Variants in DNAJC3 observed in about 807,000 individuals in gnomAD.
The protein encoded by DNAJC3 is dnaJ homolog subfamily C member 3.
Under a neutral mutation model 68.6 loss-of-function variants are expected in DNAJC3, and 38 were observed. The observed-to-expected ratio is 0.55, with a 90% confidence interval of 0.43 to 0.73. DNAJC3 has a LOEUF of 0.73. Among genes scored for constraint, DNAJC3 ranks in the 30% least tolerant of loss-of-function variants. The pLI is 0.00. For missense variants in DNAJC3, 526 were observed against 591.9 expected (o/e 0.89, Z 1.16); for synonymous variants, 203 against 204.0 (o/e 1.00, Z 0.04).
chr13:95,757,315 G>GAGC (rs1442868157), intron 4 of DNAJC3, among the ~76,000 whole-genome samples: 2 of 152,182 alleles, frequency 1.3e-5, no homozygotes, highest in Admixed American at 1.3e-4. Context: ...TTATTCTGCA[G>GAGC]AGCTATATGT....
chr13:95,742,214 G>T (rs1247537587), intron 4 of DNAJC3, among the ~76,000 whole-genome samples: 1 of 152,174 alleles, frequency 6.6e-6, no homozygotes, highest in Admixed American at 6.5e-5. Flanking sequence ...CTAGTGTCTT[G>T]TGCTTGGCTC....
intron 4 of DNAJC3, among the ~76,000 whole-genome samples, chr13:95,752,376 T>C (rs9584321): frequency 0.09 from 13,663 of 152,270 alleles, 898 homozygotes; most frequent in African/African-American, 0.19. Context: ...AAGAGTAGTA[T>C]TTGTTTCACA....
chr13:95,790,976 G>T lies in DNAJC3; in HGVS notation c.1461G>T (p.Gly487=). 9 of 1,613,560 alleles carry T rather than the reference G, an allele frequency of 5.6e-6. No individual in the cohort carries two copies. Among genetic ancestry groups the T allele is most frequent in the Non-Finnish European group, 7.6e-6 (9 of 1,179,870 alleles). ...PFHRSWNSWQ[G]FNPFSSGGPF... Reference sequence around the variant, plus strand: ...ACAGAAGCTGGAACTCATGGCAAGGGTTCAATCCCTTCAGCTCAGGCGGAC... The same window carrying T: ...ACAGAAGCTGGAACTCATGGCAAGGTTTCAATCCCTTCAGCTCAGGCGGAC... Residue 487 remains glycine (G), a synonymous_variant, in exon 12 of 12, where the codon GGG becomes GGT. Transcript: ENST00000602402.
chr13:95,753,307 C>T (rs1882542788), intron 4 of DNAJC3, among the ~76,000 whole-genome samples: 1 of 152,060 alleles, frequency 6.6e-6, no homozygotes, highest in African/African-American at 2.4e-5. Flanking sequence ...TTTCCAAAAA[C>T]AGTTCTTTAT....
chr13:95,788,287 T>C (rs1350515724), intron 11 of DNAJC3, among the ~76,000 whole-genome samples: 1 of 152,254 alleles, frequency 6.6e-6, no homozygotes, highest in Non-Finnish European at 1.5e-5. Context: ...TCTTAGTTTG[T>C]GCAGTGCACA....
At position 95,790,888 on chromosome 13, in the gene DNAJC3, T is replaced by G. The variant is rs746619022; in HGVS notation, c.1373T>G (p.Phe458Cys). 2 of 1,608,626 alleles carry G rather than the reference T, an allele frequency of 1.2e-6. No individual in the cohort carries two copies. Among genetic ancestry groups the G allele is most frequent in the Non-Finnish European group, 1.7e-6 (2 of 1,178,842 alleles). ...TTCTTTCTAGAAATGAGAAAGAAGT[T>G]TGACGACGGAGAAGATCCTTTGGAT... Reference protein sequence around the residue: ...VLSDPEMRKKFDDGEDPLDAE... With the variant: ...VLSDPEMRKKCDDGEDPLDAE... The change falls in exon 12 of 12, where the codon TTT becomes TGT. Residue 458 changes from phenylalanine to cysteine, a missense_variant. By Grantham distance (205) the Phe-to-Cys change is radical. Coordinates refer to ENST00000602402, the MANE Select transcript of DNAJC3 (RefSeq NM_006260.5).
intron 4 of DNAJC3, among the ~76,000 whole-genome samples, chr13:95,728,719 G>A (rs966502123): frequency 6.6e-6 from 1 of 152,184 alleles, no homozygotes; most frequent in African/African-American, 2.4e-5. Flanking sequence ...TGAGGAACAT[G>A]TGATGCCTTG....
chr13:95,786,834 T>G (rs1883616136), intron 10 of DNAJC3, among the ~76,000 whole-genome samples, 173 bp from the exon 11 acceptor site: 1 of 152,204 alleles, frequency 6.6e-6, no homozygotes, highest in South Asian at 2.1e-4. Context: ...GATGTCAGCT[T>G]TAATGATCAT....
intron 9 of DNAJC3, among the ~76,000 whole-genome samples, chr13:95,767,665 C>T (rs1329779306): frequency 6.6e-6 from 1 of 151,352 alleles, no homozygotes; most frequent in African/African-American, 2.4e-5. Context: ...TCTGATTCTT[C>T]CACATCCTCG....
intron 4 of DNAJC3, among the ~76,000 whole-genome samples, chr13:95,730,589 T>C (rs998068138): frequency 6.6e-6 from 1 of 152,174 alleles, no homozygotes; most frequent in Admixed American, 6.5e-5. Flanking sequence ...CAATGTATGT[T>C]CTCGGCCCCT....
intron 1 of DNAJC3, among the ~76,000 whole-genome samples, chr13:95,688,927 G>GGTTTGTGTGTGTGT (rs762986419): frequency 3.1e-5 from 4 of 129,670 alleles, no homozygotes; most frequent in African/African-American, 1.2e-4. Flanking sequence ...TGATTGTGTG[G>GGTTTGTGTGTGTGT]GTGTGTGTGT....
In DNAJC3 at chr13:95,760,055, G is replaced by A; in HGVS notation, c.562G>A (p.Ala188Thr). ...GTTCCTCAAGGTTTGTGTTTGGGATGCAGAACTACGGGAACTTCGAGCTGA... is the reference window on the plus strand; with the variant it reads ...GTTCCTCAAGGTTTGTGTTTGGGATACAGAACTACGGGAACTTCGAGCTGA... Reference protein sequence around the residue: ...DKILEVCVWDAELRELRAECF... With the variant: ...DKILEVCVWDTELRELRAECF... Residue 188 changes from alanine (A) to threonine (T), a missense_variant, in exon 6 of 12, where the codon GCA becomes ACA. Physicochemically the swap from Ala to Thr is moderately conservative, Grantham distance 58. Transcript: ENST00000602402. The A allele has an allele frequency of 6.2e-7, 1 of 1,601,660 alleles. No individual in the cohort carries two copies. The highest frequency in any genetic ancestry group is 8.5e-7 in the Non-Finnish European group (1 of 1,173,878).
intron 9 of DNAJC3, among the ~76,000 whole-genome samples, chr13:95,764,721 CATAT>C (rs575061502): frequency 2.0e-4 from 21 of 106,840 alleles, no homozygotes; most frequent in African/African-American, 6.7e-4. Context: ...TATATATACA[CATAT>C]ATATATATAC....
chr13:95,709,793 C>G (rs1880893033), intron 2 of DNAJC3, among the ~76,000 whole-genome samples: 2 of 152,092 alleles, frequency 1.3e-5, no homozygotes, highest in African/African-American at 4.8e-5. Context: ...GCGCCCACCA[C>G]CACTCCCGGC....
chr13:95,734,908 C>T (rs1324282101), intron 4 of DNAJC3, among the ~76,000 whole-genome samples: 19 of 147,448 alleles, frequency 1.3e-4, no homozygotes, highest in Admixed American at 2.7e-4. Flanking sequence ...CATGCTGGTG[C>T]GCTGCACCCA....
intron 1 of DNAJC3, among the ~76,000 whole-genome samples, chr13:95,686,959 T>C (rs2892750): frequency 6.6e-6 from 1 of 152,330 alleles, no homozygotes; most frequent in South Asian, 2.1e-4. Context: ...ATCTACAGAT[T>C]ACTATGGGCA....
intron 4 of DNAJC3, among the ~76,000 whole-genome samples, chr13:95,740,296 C>G (rs1054208640): frequency 2.6e-5 from 4 of 152,358 alleles, no homozygotes; most frequent in Non-Finnish European, 5.9e-5. Flanking sequence ...GAGGTGGAGC[C>G]TACAGAGGCA....
intron 10 of DNAJC3, among the ~76,000 whole-genome samples, chr13:95,786,282 T>A (rs185585031): frequency 2.6e-5 from 4 of 152,276 alleles, no homozygotes; most frequent in African/African-American, 9.6e-5. Flanking sequence ...AACAACAGAA[T>A]TAGTAGTTGG....
At chr13:95,688,269 T>C (rs556609261) in intron 1 of DNAJC3, among the ~76,000 whole-genome samples, 8 of 152,322 alleles carry the variant, frequency 5.3e-5, no homozygotes, top group African/African-American at 1.9e-4. Flanking sequence ...CTTTTATTTC[T>C]TTCTCTTGCC....
Sources: gnomAD v4.1 joint callset for allele counts (sites outside exome capture counted in the v4.1 genomes callset) on GRCh38, gnomAD v4.1.1 for gene constraint, MANE v1.5 for transcripts, NCBI Gene and HGNC (gene_info 2026-07-23, HGNC 2026-07-21) for gene names.